UNC5D: variants seen among roughly 807,000 people sequenced by gnomAD.
UNC5D encodes unc-5 netrin receptor D, also known as netrin receptor UNC5D.
Under a neutral mutation model 105.4 loss-of-function variants are expected in UNC5D, and 39 were observed. The observed-to-expected ratio is 0.37, with a 90% CI of 0.29 to 0.48. The LOEUF is 0.48. Ranked by LOEUF, UNC5D falls within the 20% of genes least tolerant of loss-of-function variation. UNC5D has a pLI of 0.98. For synonymous variants in UNC5D, 452 were observed against 450.4 expected (o/e 1.00, Z -0.04); for missense variants, 991 against 1,202.4 (o/e 0.82, Z 2.60).
intron 4 of UNC5D, among the ~76,000 whole-genome samples, chr8:35,657,906 C>T (rs1823874085): frequency 6.6e-6 from 1 of 151,942 alleles, no homozygotes; most frequent in Non-Finnish European, 1.5e-5. Flanking sequence ...ATTATAACTT[C>T]CTAAGTAAGA....
chr8:35,573,112 A>AT (rs895985131), intron 3 of UNC5D, among the ~76,000 whole-genome samples: 3 of 152,034 alleles, frequency 2.0e-5, no homozygotes, highest in Non-Finnish European at 2.9e-5. Context: ...GCAATTTTAT[A>AT]TTTCTGATGA....
At chr8:35,271,381 A>G (rs1416285395) in intron 1 of UNC5D, among the ~76,000 whole-genome samples, 1 of 132,752 alleles carries the variant, frequency 7.5e-6, no homozygotes, top group Non-Finnish European at 1.6e-5. Flanking sequence ...GTGTATGTAT[A>G]TGTACACACA....
intron 1 of UNC5D, among the ~76,000 whole-genome samples, chr8:35,505,337 A>G (rs1376660860): frequency 6.6e-6 from 1 of 152,276 alleles, no homozygotes; most frequent in Non-Finnish European, 1.5e-5. Context: ...TGGAGATACG[A>G]AAAAGAAAAT....
chr8:35,630,862 G>A (rs1466806791), intron 4 of UNC5D, among the ~76,000 whole-genome samples: 1 of 152,182 alleles, frequency 6.6e-6, no homozygotes, highest in African/African-American at 2.4e-5. Flanking sequence ...TCTCCCAAGG[G>A]CACAATTTTG....
intron 1 of UNC5D, among the ~76,000 whole-genome samples, chr8:35,461,389 G>T (rs925245754): frequency 2.0e-5 from 3 of 152,130 alleles, no homozygotes; most frequent in Non-Finnish European, 4.4e-5. Flanking sequence ...GTGAAAAAAG[G>T]AATACTCAGG....
At chr8:35,640,141 AAG>A (rs1822625590) in intron 4 of UNC5D, among the ~76,000 whole-genome samples, 2 of 152,120 alleles carry the variant, frequency 1.3e-5, no homozygotes, top group African/African-American at 2.4e-5. Context: ...TGAAAGCAAA[AAG>A]AGTGATTTCT....
intron 8 of UNC5D, chr8:35,721,321 G>C (rs1021940168): frequency 3.0e-6 from 2 of 672,552 alleles, no homozygotes; most frequent in Admixed American, 4.2e-5. Context: ...TCTGCTACAG[G>C]AATAACCACA....
intron 1 of UNC5D, among the ~76,000 whole-genome samples, chr8:35,295,486 C>T (rs2980394): frequency 0.82 from 124,711 of 152,092 alleles, 51,588 homozygotes; most frequent in East Asian, 1. Context: ...TGTTCAAGGG[C>T]CAACCATGTT....
chr8:35,777,344 G>A (rs376983072), intron 16 of UNC5D, among the ~76,000 whole-genome samples: 2 of 152,340 alleles, frequency 1.3e-5, no homozygotes, highest in African/African-American at 4.8e-5. Flanking sequence ...AGGAGTTTGA[G>A]GCTGCAGTGA....
At chr8:35,452,863 G>A (rs1428849314) in intron 1 of UNC5D, among the ~76,000 whole-genome samples, 1 of 152,146 alleles carries the variant, frequency 6.6e-6, no homozygotes, top group Non-Finnish European at 1.5e-5. Context: ...GGTCTCTTCA[G>A]ATAGAGGCAT....
At chr8:35,699,361 G>A (rs1263200159) in intron 7 of UNC5D, among the ~76,000 whole-genome samples, 1 of 152,178 alleles carries the variant, frequency 6.6e-6, no homozygotes, top group Non-Finnish European at 1.5e-5. Flanking sequence ...GTCATCAGAA[G>A]TGACATCCTT....
intron 1 of UNC5D, among the ~76,000 whole-genome samples, chr8:35,335,745 G>A (rs952235247): frequency 7.2e-6 from 1 of 139,192 alleles, no homozygotes; most frequent in African/African-American, 3.0e-5. Flanking sequence ...AGAATGAAAT[G>A]AGAGATTGCA....
chr8:35,293,791 C>T (rs1184281571), intron 1 of UNC5D, among the ~76,000 whole-genome samples: 1 of 152,192 alleles, frequency 6.6e-6, no homozygotes, highest in Non-Finnish European at 1.5e-5. Context: ...AAATGATGTC[C>T]TCTCAATTGG....
At chr8:35,571,986 C>G (rs1400633770) in intron 3 of UNC5D, among the ~76,000 whole-genome samples, 1 of 152,016 alleles carries the variant, frequency 6.6e-6, no homozygotes. Flanking sequence ...CAAGAATTAC[C>G]AATTTTAAAA....
At chr8:35,483,027 T>C (rs996052220) in intron 1 of UNC5D, among the ~76,000 whole-genome samples, 1 of 152,026 alleles carries the variant, frequency 6.6e-6, no homozygotes, top group Non-Finnish European at 1.5e-5. Flanking sequence ...GGTCTAGAAC[T>C]CTTGACTTCA....
At chr8:35,752,544 G>A (rs564384813) in intron 13 of UNC5D, among the ~76,000 whole-genome samples, 24 of 152,198 alleles carry the variant, frequency 1.6e-4, no homozygotes, top group African/African-American at 5.8e-4. Flanking sequence ...CTCACAAAAG[G>A]GGTGGCTTTC....
At chr8:35,683,492 C>T in intron 4 of UNC5D, 55 bp from the exon 5 acceptor site, 2 of 1,519,980 alleles carry the variant, frequency 1.3e-6, no homozygotes, top group South Asian at 2.7e-5. Context: ...TTTTCAATTC[C>T]AGAAAAGAGT....
intron 4 of UNC5D, among the ~76,000 whole-genome samples, chr8:35,651,429 TGA>T (rs1395250495): frequency 6.6e-6 from 1 of 152,128 alleles, no homozygotes; most frequent in African/African-American, 2.4e-5. Context: ...AGCAGCAAAG[TGA>T]GAGAGGCCGA....
intron 8 of UNC5D, among the ~76,000 whole-genome samples, chr8:35,715,347 A>G (rs1406979960): frequency 6.6e-6 from 1 of 152,216 alleles, no homozygotes; most frequent in East Asian, 1.9e-4. Flanking sequence ...ACAAGGTACT[A>G]TCAATAGTTA....
Sources: allele counts gnomAD v4.1 joint callset (sites outside exome capture counted in the v4.1 genomes callset), GRCh38; gene constraint gnomAD v4.1.1; transcripts MANE v1.5; gene names NCBI Gene and HGNC (gene_info 2026-07-23, HGNC 2026-07-21).